Variants in ANKFN1 observed in about 807,000 individuals in gnomAD.
ANKFN1 encodes ankyrin repeat and fibronectin type III domain containing 1.
ANKFN1 carries 74 observed loss-of-function variants against 108.7 expected under a neutral mutation model. The ratio of observed to expected loss-of-function variants is 0.68; its 90% CI spans 0.56 to 0.83. ANKFN1 has a LOEUF of 0.83. Among genes scored for constraint, ANKFN1 ranks in the 40% least tolerant of loss-of-function variants. The pLI, the probability that ANKFN1 is intolerant of heterozygous loss-of-function variation, is 0.00. For missense variants in ANKFN1, 1,505 were observed against 1,382.3 expected (o/e 1.09, Z -1.41); for synonymous variants, 547 against 516.2 (o/e 1.06, Z -0.81).
At chr17:56,297,347 G>C (rs2044542826) in intron 3 of ANKFN1, among the ~76,000 whole-genome samples, 1 of 152,178 alleles carries the variant, frequency 6.6e-6, no homozygotes. Flanking sequence ...CGGTTTAACT[G>C]TTTCTGTTGC....
At chr17:56,222,077 A>G (rs1326849337) in intron 2 of ANKFN1, among the ~76,000 whole-genome samples, 3 of 152,232 alleles carry the variant, frequency 2.0e-5, no homozygotes, top group Non-Finnish European at 4.4e-5. Flanking sequence ...ACATTCAAGT[A>G]TAAGGAGCAC....
intron 9 of ANKFN1, among the ~76,000 whole-genome samples, chr17:56,441,904 T>G (rs867109726): frequency 1.5e-4 from 22 of 145,168 alleles, no homozygotes; most frequent in Middle Eastern, 7.0e-3. Context: ...AAAGATGTGC[T>G]TTTTTTTTTT....
intron 4 of ANKFN1, among the ~76,000 whole-genome samples, chr17:56,101,894 A>G (rs1456640752): frequency 2.6e-5 from 4 of 152,218 alleles, no homozygotes; most frequent in African/African-American, 9.6e-5. Flanking sequence ...AGGTAGGGCT[A>G]TAAGATCTGT....
At chr17:56,401,448 T>C (rs970649624) in intron 8 of ANKFN1, among the ~76,000 whole-genome samples, 1 of 151,956 alleles carries the variant, frequency 6.6e-6, no homozygotes, top group African/African-American at 2.4e-5. Flanking sequence ...TTGCAGCTAT[T>C]GTAAAAGGGG....
At chr17:56,428,196 T>G (rs1448943478) in intron 8 of ANKFN1, among the ~76,000 whole-genome samples, 1 of 150,462 alleles carries the variant, frequency 6.6e-6, no homozygotes. Context: ...ATCGCACCAC[T>G]GCACTCCAGC....
chr17:56,126,519 G>T (rs1344795365), intron 4 of ANKFN1, among the ~76,000 whole-genome samples: 3 of 152,084 alleles, frequency 2.0e-5, no homozygotes, highest in Admixed American at 6.5e-5. Context: ...TTTAGACTTG[G>T]TGTTCTCTGT....
At chr17:56,391,901 T>C (rs2047450908) in intron 8 of ANKFN1, among the ~76,000 whole-genome samples, 1 of 152,166 alleles carries the variant, frequency 6.6e-6, no homozygotes, top group South Asian at 2.1e-4. Context: ...ATAAAATAGG[T>C]ACTCAGTTAA....
chr17:56,398,198 C>G (rs1428927528), intron 8 of ANKFN1, among the ~76,000 whole-genome samples: 2 of 152,048 alleles, frequency 1.3e-5, no homozygotes, highest in East Asian at 3.9e-4. Flanking sequence ...CGTTACAAAC[C>G]CAATGAGTAG....
chr17:56,211,195 G>A (rs774052091), intron 1 of ANKFN1, among the ~76,000 whole-genome samples: 3 of 152,082 alleles, frequency 2.0e-5, no homozygotes, highest in Non-Finnish European at 4.4e-5. Flanking sequence ...TGTCTAGAAG[G>A]GTTTTTCCAA....
intron 3 of ANKFN1, among the ~76,000 whole-genome samples, chr17:56,279,129 A>G (rs954327902): frequency 6.6e-6 from 1 of 152,232 alleles, no homozygotes; most frequent in African/African-American, 2.4e-5. Context: ...AGGAAAGTGT[A>G]GCCTCTGCCT....
At chr17:56,399,533 T>C (rs557843518) in intron 8 of ANKFN1, among the ~76,000 whole-genome samples, 21 of 152,036 alleles carry the variant, frequency 1.4e-4, no homozygotes, top group African/African-American at 4.8e-4. Context: ...TTCGGTTACA[T>C]GAGTAAGTTC....
At chr17:56,405,201 T>G (rs1002326163) in intron 8 of ANKFN1, among the ~76,000 whole-genome samples, 2 of 152,206 alleles carry the variant, frequency 1.3e-5, no homozygotes, top group Non-Finnish European at 2.9e-5. Flanking sequence ...TTCTAATATA[T>G]AAATAGCTCT....
chr17:56,283,604 T>C (rs1409120560), intron 3 of ANKFN1, among the ~76,000 whole-genome samples: 3 of 151,602 alleles, frequency 2.0e-5, no homozygotes, highest in Non-Finnish European at 4.4e-5. Flanking sequence ...TGGATAGAAC[T>C]GGAGAATATT....
At chr17:56,309,811 A>G (rs1228727832) in intron 3 of ANKFN1, among the ~76,000 whole-genome samples, 2 of 152,258 alleles carry the variant, frequency 1.3e-5, no homozygotes, top group Non-Finnish European at 2.9e-5. Context: ...ACAATATTCT[A>G]TACTAAAAGT....
intron 20 of ANKFN1, among the ~76,000 whole-genome samples, chr17:56,501,219 C>CAGA (rs1370875691): frequency 2.6e-5 from 4 of 152,176 alleles, no homozygotes; most frequent in Non-Finnish European, 4.4e-5. Context: ...GAGAGCAAGA[C>CAGA]AGAAGCCAGA....
chr17:56,152,258 A>ATGTGTGTGTG (rs1211660209), upstream of ANKFN1, among the ~76,000 whole-genome samples: 29 of 84,494 alleles, frequency 3.4e-4, no homozygotes, highest in East Asian at 1.4e-3. Flanking sequence ...ATATATATAT[A>ATGTGTGTGTG]TATATGTGTG....
chr17:56,175,433 T>C (rs1332862151), intron 1 of ANKFN1, among the ~76,000 whole-genome samples: 1 of 152,202 alleles, frequency 6.6e-6, no homozygotes, highest in East Asian at 1.9e-4. Flanking sequence ...AAATCCCCTG[T>C]GTTGTCACAA....
At chr17:56,262,634 A>C (rs1207348473) in intron 3 of ANKFN1, among the ~76,000 whole-genome samples, 2 of 152,160 alleles carry the variant, frequency 1.3e-5, no homozygotes, top group Non-Finnish European at 2.9e-5. Context: ...TTGCTCTATA[A>C]ATTCCTACGA....
At chr17:56,390,578 G>A (rs986733397) in intron 8 of ANKFN1, among the ~76,000 whole-genome samples, 1 of 152,100 alleles carries the variant, frequency 6.6e-6, no homozygotes, top group African/African-American at 2.4e-5. Context: ...GGGATTGCTG[G>A]GTCAAATAGT....
Sources: gnomAD v4.1 joint callset for allele counts (sites outside exome capture counted in the v4.1 genomes callset) on GRCh38, gnomAD v4.1.1 for gene constraint, MANE v1.5 for transcripts, NCBI Gene and HGNC (gene_info 2026-07-23, HGNC 2026-07-21) for gene names.